The following PTDSS1 variants were observed in gnomAD, a reference collection of about 807,000 sequenced individuals.
The protein encoded by PTDSS1 is phosphatidylserine synthase 1, also known as PSS-1.
Under a neutral mutation model 70.5 loss-of-function variants are expected in PTDSS1, and 45 were observed. That is an observed-to-expected ratio of 0.64 (90% CI 0.50 to 0.82). The LOEUF (loss-of-function observed/expected upper bound fraction) is 0.82. Ranked by LOEUF, PTDSS1 falls within the 40% of genes least tolerant of loss-of-function variation. The pLI, the probability that PTDSS1 is intolerant of heterozygous loss-of-function variation, is 0.00. For missense variants in PTDSS1, 417 were observed against 586.1 expected (o/e 0.71, Z 2.98); for synonymous variants, 188 against 203.8 (o/e 0.92, Z 0.66).
At position 96,262,064 on chromosome 8, in the gene PTDSS1, G is replaced by A; in HGVS notation, c.24G>A (p.Arg8=). Residue 8 remains arginine (R), a synonymous_variant, in exon 1 of 13, where the codon CGG becomes CGA. Coordinates refer to ENST00000517309, the MANE Select transcript of PTDSS1 (RefSeq NM_014754.3). This position sits in a 1 kb window ranked among gnomAD's most constrained non-coding sequence, Gnocchi z 4.4. ...CCATGGCGTCCTGCGTGGGGAGCCG[G>A]ACCCTAAGCAAGGATGATGTGAACT... MASCVGS[R]TLSKDDVNYK... 1 of 1,613,484 alleles carries A rather than the reference G, an allele frequency of 6.2e-7. No homozygotes were observed. The highest frequency in any genetic ancestry group is 8.5e-7 in the Non-Finnish European group (1 of 1,179,634).
At chr8:96,325,859 T>C (rs1811431475) in intron 10 of PTDSS1, among the ~76,000 whole-genome samples, 2 of 152,134 alleles carry the variant, frequency 1.3e-5, no homozygotes, top group African/African-American at 4.8e-5. Context: ...TCTTCATTAG[T>C]GAGAATTCAC....
At position 96,287,034 on chromosome 8, in the gene PTDSS1, T is replaced by C; in HGVS notation, c.329T>C (p.Leu110Pro). The C allele has an allele frequency of 6.2e-7, 1 of 1,614,122 alleles. No homozygotes were observed. The highest frequency in any genetic ancestry group is 1.1e-5 in the South Asian group (1 of 91,082). The change falls in exon 4 of 13, where the codon CTC becomes CCC. Residue 110 changes from leucine (L) to proline (P), a missense_variant. This residue lies in a region of PTDSS1 where 272 missense variants were observed against 429.5 expected (regional missense o/e 0.63). Transcript: ENST00000517309. ...TTGTTTCTCTCAGGACTCAGTGTGC[T>C]CTACTTCCTGTTCCTGGTATTCCTA... ...LWRMVFGLSVLYFLFLVFLLF... is the reference protein window; with the variant it reads ...LWRMVFGLSVPYFLFLVFLLF...
intron 9 of PTDSS1, among the ~76,000 whole-genome samples, chr8:96,312,967 A>G (rs1811233571): frequency 6.6e-6 from 1 of 152,134 alleles, no homozygotes; most frequent in Admixed American, 6.5e-5. Flanking sequence ...TCTTTTCACT[A>G]ATTTTGGAAT....
chr8:96,309,417 C>A, intron 8 of PTDSS1, 140 bp from the exon 9 acceptor site: 1 of 621,388 alleles, frequency 1.6e-6, no homozygotes. Context: ...CTGGCTTTCT[C>A]TTCTCTTGAA....
At chr8:96,271,217 G>T (rs931275533) in intron 1 of PTDSS1, among the ~76,000 whole-genome samples, 1 of 152,146 alleles carries the variant, frequency 6.6e-6, no homozygotes. Flanking sequence ...GTGACATCCT[G>T]TGCAAGCATA....
intron 5 of PTDSS1, 141 bp from the exon 6 acceptor site, chr8:96,299,553 G>T: frequency 1.1e-6 from 1 of 891,832 alleles, no homozygotes; most frequent in East Asian, 2.7e-5. Context: ...TGTTACTGTT[G>T]GTTATTTTCT....
intron 2 of PTDSS1, among the ~76,000 whole-genome samples, chr8:96,278,258 T>C (rs1810678367): frequency 6.6e-6 from 1 of 152,226 alleles, no homozygotes; most frequent in Non-Finnish European, 1.5e-5. Context: ...CAGAAATTTA[T>C]AGTGTTTAGA....
chr8:96,264,336 G>C (rs1586178293), intron 1 of PTDSS1, among the ~76,000 whole-genome samples: 1 of 152,342 alleles, frequency 6.6e-6, no homozygotes, highest in East Asian at 1.9e-4. Flanking sequence ...TGCATGGCAA[G>C]TATTAAGTGC....
At chr8:96,310,352 A>G (rs1333137491) in intron 9 of PTDSS1, among the ~76,000 whole-genome samples, 2 of 151,560 alleles carry the variant, frequency 1.3e-5, no homozygotes, top group Non-Finnish European at 2.9e-5. Flanking sequence ...TTCAGTAGAG[A>G]CGGGGTTTCA....
At chr8:96,310,306 A>C (rs1811190555) in intron 9 of PTDSS1, among the ~76,000 whole-genome samples, 1 of 151,116 alleles carries the variant, frequency 6.6e-6, no homozygotes, top group East Asian at 2.0e-4. Flanking sequence ...CTGGGATTAC[A>C]GGTGCGCACC....
intron 6 of PTDSS1, among the ~76,000 whole-genome samples, chr8:96,301,775 C>T (rs1044674603): frequency 1.3e-5 from 2 of 151,974 alleles, no homozygotes; most frequent in Non-Finnish European, 2.9e-5. Flanking sequence ...CTCAGCCTCC[C>T]AAAGTTCTGG....
chr8:96,295,164 T>C lies in PTDSS1; in HGVS notation c.508T>C (p.Phe170Leu). Residue 170 changes from phenylalanine to leucine, a missense_variant, in exon 5 of 13, where the codon TTT (phenylalanine) becomes CTT (leucine). Phe to Leu is a conservative substitution (Grantham distance 22, BLOSUM62 0). Transcript: ENST00000517309. ...RIISHFDIFA[F>L]GHFWGWAMKA... Reference sequence around the variant, plus strand: ...TATCAGCCACTTTGATATTTTTGCATTTGGACATTTCTGGGGCTGGGCCAT... The same window carrying C: ...TATCAGCCACTTTGATATTTTTGCACTTGGACATTTCTGGGGCTGGGCCAT... The C allele has an allele frequency of 6.2e-7, 1 of 1,614,222 alleles. No individual in the cohort carries two copies. The highest frequency in any genetic ancestry group is 8.5e-7 in the Non-Finnish European group (1 of 1,180,026).
chr8:96,312,673 G>A (rs1037691442), intron 9 of PTDSS1, among the ~76,000 whole-genome samples: 13 of 152,056 alleles, frequency 8.5e-5, no homozygotes, highest in Admixed American at 3.3e-4. Context: ...GAACCAGTGA[G>A]CTATGCTGAA....
At position 96,262,764 on chromosome 8, in the gene PTDSS1, A is replaced by G. The variant is rs577164868; in HGVS notation, c.179+545A>G. On this transcript the variant is annotated intron_variant, in intron 1 of 12. Coordinates refer to ENST00000517309, the MANE Select transcript of PTDSS1 (RefSeq NM_014754.3). The surrounding 1 kb of genome is among the most constrained non-coding windows in gnomAD (Gnocchi z 4.4). ...CACAAAAAATGCACATGTGTGCTGCATACACGGTCTTTCCTGTGCAGCACT... is the reference window on the plus strand; with the variant it reads ...CACAAAAAATGCACATGTGTGCTGCGTACACGGTCTTTCCTGTGCAGCACT... Among the ~76,000 whole-genome samples, 49 of 152,340 alleles carry G rather than the reference A, an allele frequency of 3.2e-4. No homozygotes were observed. Among genetic ancestry groups the G allele is most frequent in the African/African-American group, 1.1e-3 (47 of 41,576 alleles).
At chr8:96,276,980 G>GCGCACACACA (rs1160844973) in intron 2 of PTDSS1, among the ~76,000 whole-genome samples, 4 of 145,906 alleles carry the variant, frequency 2.7e-5, no homozygotes, top group African/African-American at 1.1e-4. Flanking sequence ...GCACGCGCGC[G>GCGCACACACA]CACACACACA....
Position 96,333,649 on chromosome 8 carries a change from G to A in PTDSS1, c.*83G>A, listed in dbSNP as rs1244876727. The A allele has an allele frequency of 7.5e-7, 1 of 1,333,894 alleles. No individual in the cohort carries two copies. The highest frequency in any genetic ancestry group is 1.4e-5 in the African/African-American group (1 of 69,162). 82.6% of individuals were successfully genotyped at this position (1,333,894 alleles called of 1,614,324 possible). On this transcript the variant is annotated 3_prime_UTR_variant, in exon 13 of 13. Coordinates refer to ENST00000517309, the MANE Select transcript of PTDSS1 (RefSeq NM_014754.3). ...CTCATTTGGAACTCCCCGTGAGGAG[G>A]TCGAGGCGCACAGGGCAAGCAGGAA...
intron 1 of PTDSS1, among the ~76,000 whole-genome samples, chr8:96,270,616 T>G (rs537881037): frequency 3.3e-5 from 5 of 152,238 alleles, no homozygotes; most frequent in Non-Finnish European, 7.3e-5. Context: ...CTGATAGGAC[T>G]CACATGGCTT....
rs1563561522 is a variant in PTDSS1 at position 96,273,931 on chromosome 8, C to A, written c.271+541C>A. On this transcript the variant is annotated intron_variant, in intron 2 of 12. Transcript: ENST00000517309. ...GACAATGATTTCTGTGAATTTTACC[C>A]CCATCATGATTATGGAGTGAGTGAG... Among the ~76,000 whole-genome samples the A allele has an allele frequency of 2.0e-5, 3 of 152,238 alleles. No individual in the cohort carries two copies. The South Asian group carries it at 6.2e-4, about 32-fold the overall frequency.
At chr8:96,317,175 G>T (rs1302985438) in intron 9 of PTDSS1, among the ~76,000 whole-genome samples, 1 of 151,712 alleles carries the variant, frequency 6.6e-6, no homozygotes. Flanking sequence ...CAAGCCTACG[G>T]GTGGCCTTCC....
Sources: allele counts gnomAD v4.1 joint callset (sites outside exome capture counted in the v4.1 genomes callset), GRCh38; gene constraint gnomAD v4.1.1; regional missense constraint gnomAD v4.1.1; non-coding constraint Gnocchi (gnomAD v3.1); transcripts MANE v1.5; gene names NCBI Gene and HGNC (gene_info 2026-07-23, HGNC 2026-07-21).